SLC4A7: variants seen among roughly 807,000 people sequenced by gnomAD.
The protein encoded by SLC4A7 is sodium bicarbonate cotransporter 3.
In SLC4A7, 51 loss-of-function variants were observed where a neutral mutation model predicts 137.6. That is an observed-to-expected ratio of 0.37 (90% CI 0.30 to 0.47). SLC4A7 has a LOEUF of 0.47. Among genes scored for constraint, SLC4A7 ranks in the 20% least tolerant of loss-of-function variants. SLC4A7 has a pLI of 1.00. For missense variants in SLC4A7, 1,247 were observed against 1,525.4 expected (o/e 0.82, Z 3.04); for synonymous variants, 542 against 518.6 (o/e 1.05, Z -0.61).
At chr3:27,398,700 T>G (rs1320462193) in intron 16 of SLC4A7, among the ~76,000 whole-genome samples, 3 of 152,226 alleles carry the variant, frequency 2.0e-5, no homozygotes, top group Non-Finnish European at 2.9e-5. Context: ...TCTGCATTCT[T>G]GCTTGTCCAC....
At chr3:27,387,159 G>A (rs893222175) in intron 22 of SLC4A7, among the ~76,000 whole-genome samples, 4 of 152,084 alleles carry the variant, frequency 2.6e-5, no homozygotes, top group Non-Finnish European at 4.4e-5. Context: ...ATCAGCACAC[G>A]AACAGTGAAG....
chr3:27,473,003 C>T (rs577918796), intron 1 of SLC4A7, among the ~76,000 whole-genome samples: 46 of 151,558 alleles, frequency 3.0e-4, no homozygotes, highest in Non-Finnish European at 5.0e-4. Flanking sequence ...TCGTTTGAAT[C>T]TGGGAGTCGG....
At position 27,390,041 on chromosome 3, in the gene SLC4A7, G is replaced by A. The variant is rs529446183; in HGVS notation, c.3250C>T (p.Arg1084Cys). The A allele has an allele frequency of 3.1e-6, 5 of 1,611,872 alleles. No individual in the cohort carries two copies. The highest frequency in any genetic ancestry group is 1.7e-5 in the Admixed American group (1 of 59,952). Reference sequence around the variant, plus strand: ...TGGACCTTCCAGAGCGGCACATAACGGAGGTATATCAAATCAGGCTGATGC... The same window carrying A: ...TGGACCTTCCAGAGCGGCACATAACAGAGGTATATCAAATCAGGCTGATGC... ...AKHQPDLIYL[R>C]YVPLWKVHIF... Residue 1084 changes from arginine (R) to cysteine (C), a missense_variant, in exon 22 of 26, where the codon CGT (arginine) becomes TGT (cysteine). Physicochemically the swap from Arg to Cys is radical, Grantham distance 180. Coordinates refer to ENST00000454389, the MANE Select transcript of SLC4A7 (RefSeq NM_001321103.2).
At chr3:27,417,809 C>A (rs1397546540) in intron 11 of SLC4A7, among the ~76,000 whole-genome samples, 16 of 152,056 alleles carry the variant, frequency 1.1e-4, no homozygotes, top group Admixed American at 1.0e-3. Context: ...GATAAAGATA[C>A]CTATTAGATT....
intron 3 of SLC4A7, among the ~76,000 whole-genome samples, chr3:27,443,087 A>G (rs769581342): frequency 5.4e-5 from 7 of 129,220 alleles, no homozygotes; most frequent in Non-Finnish European, 1.1e-4. Context: ...GCTGGAGTGC[A>G]GTGGTGAGAT....
At chr3:27,435,962 A>G (rs903203906) in intron 5 of SLC4A7, among the ~76,000 whole-genome samples, 5 of 152,134 alleles carry the variant, frequency 3.3e-5, no homozygotes, top group African/African-American at 1.2e-4. Flanking sequence ...CACAGAACTG[A>G]CTTTCCTGAG....
At position 27,390,069 on chromosome 3, in the gene SLC4A7, A is replaced by C. The variant is rs2051373355; in HGVS notation, c.3222T>G (p.Ala1074=). ...GGTATATCAAATCAGGCTGATGCTT[A>C]GCAGGCATTCCAAATAATTTTATAC... ...FDRIKLFGMP[A]KHQPDLIYLR... The change falls in exon 22 of 26, where the codon GCT becomes GCG. Residue 1074 remains alanine (A), a synonymous_variant. Coordinates refer to ENST00000454389, the MANE Select transcript of SLC4A7 (RefSeq NM_001321103.2). The C allele has an allele frequency of 7.5e-6, 12 of 1,609,292 alleles. No individual in the cohort carries two copies. Among genetic ancestry groups the C allele is most frequent in the Non-Finnish European group, 1.0e-5 (12 of 1,176,736 alleles).
chr3:27,402,155 A>G (rs1487680456), intron 15 of SLC4A7, among the ~76,000 whole-genome samples: 2 of 152,216 alleles, frequency 1.3e-5, no homozygotes, highest in Non-Finnish European at 2.9e-5. Context: ...CTGTAAATCA[A>G]TCAAATGCAG....
chr3:27,437,315 C>T (rs2150408498), intron 4 of SLC4A7, 73 bp downstream of exon 4: 3 of 973,692 alleles, frequency 3.1e-6, no homozygotes, highest in South Asian at 2.2e-5. Flanking sequence ...CGCACCATCG[C>T]ACTCCAGCCT....
In SLC4A7 at chr3:27,385,941, G is replaced by A; in HGVS notation, c.3443C>T (p.Pro1148Leu). 1 of 1,591,398 alleles carries A rather than the reference G, an allele frequency of 6.3e-7. No individual in the cohort carries two copies. The highest frequency in any genetic ancestry group is 8.6e-7 in the Non-Finnish European group (1 of 1,163,126). Residue 1148 changes from proline to leucine, a missense_variant, in exon 23 of 26, where the codon CCA (proline) becomes CTA (leucine). Transcript: ENST00000454389. ...ATCTTCTTTCTTTTTCTTACTTTCT[G>A]GCATAAGATCATCAAGCCAACTAAG... ...RELSWLDDLMPESKKKKEDDK... is the reference protein window; with the variant it reads ...RELSWLDDLMLESKKKKEDDK...
At position 27,373,412 on chromosome 3, in the gene SLC4A7, A is replaced by G. The variant is rs1364328839; in HGVS notation, c.*3352T>C. ...CTTTCTAAAATAAATAATTGTTGGAATAAACCAAAAGACATTTCACATATT... is the reference window on the plus strand; with the variant it reads ...CTTTCTAAAATAAATAATTGTTGGAGTAAACCAAAAGACATTTCACATATT... On this transcript the variant is annotated 3_prime_UTR_variant, in exon 26 of 26. Transcript: ENST00000454389. 1.3e-5 allele frequency: 2 copies of G among 152,306 alleles called. No homozygotes were observed. The highest frequency in any genetic ancestry group is 3.9e-4 in the East Asian group (2 of 5,192). The allele number at this position is 152,306 out of a possible 1,614,324, so 9.4% of individuals were successfully genotyped here. A position where few individuals can be genotyped will look rare whatever the true frequency, so the allele number is the denominator to read the frequency against.
At chr3:27,451,140 T>TA (rs535943800) in intron 2 of SLC4A7, among the ~76,000 whole-genome samples, 19,271 of 148,086 alleles carry the variant, frequency 0.13, 1,192 homozygotes, top group Middle Eastern at 0.19. Context: ...TTTTTAGAGT[T>TA]AAAAAAAAAA....
At chr3:27,437,122 G>A (rs1359081672) in intron 4 of SLC4A7, among the ~76,000 whole-genome samples, 5 of 152,106 alleles carry the variant, frequency 3.3e-5, no homozygotes, top group East Asian at 1.9e-4. Flanking sequence ...AGGCCTAGAC[G>A]GGAGGATAAC....
intron 14 of SLC4A7, among the ~76,000 whole-genome samples, chr3:27,403,968 C>T (rs986937743): frequency 9.8e-5 from 15 of 152,334 alleles, no homozygotes; most frequent in African/African-American, 3.6e-4. Context: ...TCAGATTAAG[C>T]TTGTTTAGTG....
At chr3:27,397,923 G>T in intron 17 of SLC4A7, 126 bp from the exon 18 acceptor site, 1 of 636,982 alleles carries the variant, frequency 1.6e-6, no homozygotes, top group Non-Finnish European at 2.7e-6. Context: ...TAGTGACAAT[G>T]TTAACAGTGA....
At position 27,390,082 on chromosome 3, in the gene SLC4A7, A is replaced by C. The variant is rs756185029; in HGVS notation, c.3209T>G (p.Phe1070Cys). ...GIQLFDRIKL[F>C]GMPAKHQPDL... The stretch of plus-strand genomic sequence containing the variant: ...AGGCTGATGCTTAGCAGGCATTCCA[A>C]ATAATTTTATACGGTCAAATAACTA... Residue 1070 changes from phenylalanine to cysteine, a missense_variant, in exon 22 of 26, where the codon TTT becomes TGT. This residue lies in a region of SLC4A7 where 290 missense variants were observed against 323.8 expected (regional missense o/e 0.90). Coordinates refer to ENST00000454389, the MANE Select transcript of SLC4A7 (RefSeq NM_001321103.2). 2.0e-5 allele frequency: 32 copies of C among 1,604,064 alleles called. No homozygotes were observed. Among genetic ancestry groups the C allele is most frequent in the Non-Finnish European group, 2.6e-5 (30 of 1,172,638 alleles).
chr3:27,392,061 A>C (rs963486572), intron 20 of SLC4A7, among the ~76,000 whole-genome samples: 3 of 152,188 alleles, frequency 2.0e-5, no homozygotes, highest in Non-Finnish European at 2.9e-5. Flanking sequence ...ACTTAGTTTT[A>C]AGTCAAACTT....
At chr3:27,452,371 G>C in intron 2 of SLC4A7, 46 bp downstream of exon 2, 1 of 1,230,866 alleles carries the variant, frequency 8.1e-7, no homozygotes, top group Non-Finnish European at 1.2e-6. Context: ...ACATTAATTA[G>C]TAAATTATCC....
chr3:27,441,290 T>A (rs1030384327), intron 3 of SLC4A7, among the ~76,000 whole-genome samples: 13 of 152,190 alleles, frequency 8.5e-5, no homozygotes, highest in Admixed American at 3.3e-4. Flanking sequence ...TCCTGTAATA[T>A]CCCTGATTAG....
Sources: allele counts gnomAD v4.1 joint callset (sites outside exome capture counted in the v4.1 genomes callset), GRCh38; gene constraint gnomAD v4.1.1; regional missense constraint gnomAD v4.1.1; transcripts MANE v1.5; gene names NCBI Gene and HGNC (gene_info 2026-07-23, HGNC 2026-07-21).